Variants in SCAP observed in about 807,000 individuals in gnomAD.
SCAP encodes the protein sterol regulatory element-binding protein cleavage-activating protein.
Under a neutral mutation model 123.6 loss-of-function variants are expected in SCAP, and 65 were observed. The observed-to-expected ratio is 0.53, with a 90% CI of 0.43 to 0.65. The LOEUF is 0.65. Among genes scored for constraint, SCAP ranks in the 30% least tolerant of loss-of-function variants. The pLI, the probability that SCAP is intolerant of heterozygous loss-of-function variation, is 0.00. For missense variants in SCAP, 1,398 were observed against 1,712.5 expected, an observed-to-expected ratio of 0.82 and a Z score of 3.24; for synonymous variants, 740 against 726.3, an observed-to-expected ratio of 1.02 and a Z score of -0.30.
intron 1 of SCAP, among the ~76,000 whole-genome samples, chr3:47,471,006 A>G (rs2108031674): frequency 6.6e-6 from 1 of 152,356 alleles, no homozygotes; most frequent in South Asian, 2.1e-4. Flanking sequence ...AGATGAAACA[A>G]GAGTGTCCCC....
intron 1 of SCAP, among the ~76,000 whole-genome samples, chr3:47,459,358 T>C (rs993300480): frequency 4.6e-5 from 7 of 152,224 alleles, no homozygotes; most frequent in Non-Finnish European, 1.0e-4. Flanking sequence ...TTGACAGTTT[T>C]ATACAATCAA....
In SCAP at chr3:47,414,247, C is replaced by T. The variant is rs1351597904; in HGVS notation, c.3527G>A (p.Ser1176Asn). Residue 1176 changes from serine (S) to asparagine (N), a missense_variant, in exon 22 of 23, where the codon AGT (serine) becomes AAT (asparagine). Physicochemically the swap from Ser to Asn is conservative, Grantham distance 46 (BLOSUM62 1). Transcript: ENST00000265565. ...GATGCTGATGAGGTCATCCAGGCCA[C>T]TGCTGATGACACAGGAGGTGGTACA... ...LTCTTSCVIS[S>N]GLDDLISIWD... 1 of 1,613,580 alleles carries T rather than the reference C, an allele frequency of 6.2e-7. No homozygotes were observed. The highest frequency in any genetic ancestry group is 1.3e-5 in the African/African-American group (1 of 74,936).
intron 1 of SCAP, among the ~76,000 whole-genome samples, chr3:47,455,611 A>G (rs1223195794): frequency 1.3e-5 from 2 of 151,140 alleles, no homozygotes; most frequent in African/African-American, 4.8e-5. Context: ...AAAAAAAAAA[A>G]AAAAAGAAAC....
At chr3:47,415,949 AAGG>A (rs1456823417) in intron 18 of SCAP, among the ~76,000 whole-genome samples, 1 of 152,192 alleles carries the variant, frequency 6.6e-6, no homozygotes, top group Non-Finnish European at 1.5e-5. Flanking sequence ...ACAAGCAGCA[AAGG>A]AGAATTTCCA....
In SCAP at chr3:47,475,905, T is replaced by G. The variant is rs561178668; in HGVS notation, c.-205A>C. ...CGCTCTCGGCCCGCAGTCCGGTGCG[T>G]GGCGCCCTCCCTCTCTCTCCTGGCC... On this transcript the variant is annotated 5_prime_UTR_variant, in exon 1 of 23. Transcript: ENST00000265565. The G allele has an allele frequency of 1.5e-4, 23 of 153,816 alleles. No individual in the cohort carries two copies. Among genetic ancestry groups the G allele is most frequent in the African/African-American group, 5.3e-4 (22 of 41,404 alleles). 9.5% of individuals were successfully genotyped at this position (153,816 alleles called of 1,614,324 possible).
intron 18 of SCAP, among the ~76,000 whole-genome samples, 158 bp downstream of exon 18, chr3:47,416,964 G>A (rs1458685269): frequency 6.6e-6 from 1 of 152,188 alleles, no homozygotes; most frequent in Non-Finnish European, 1.5e-5. Flanking sequence ...CCATCCAAGT[G>A]GACTGCCCTC....
intron 2 of SCAP, among the ~76,000 whole-genome samples, chr3:47,440,549 G>A: frequency 6.6e-6 from 1 of 152,132 alleles, no homozygotes. Context: ...ATACTCATTT[G>A]GGAAAATAAG....
rs560148037 is a variant in SCAP at position 47,432,420 on chromosome 3, T to C, written c.252+2588A>G. 2.0e-5 allele frequency among the ~76,000 whole-genome samples: 3 copies of C among 152,178 alleles called. No individual in the cohort carries two copies. The East Asian group carries it at 5.8e-4, about 29-fold the overall frequency. The stretch of plus-strand genomic sequence containing the variant: ...CTTTCGATTGCCCCCCTATGTCTCT[T>C]TGACATACACTATATTTACTTTAAA... On this transcript the variant is annotated intron_variant, in intron 3 of 22. Coordinates refer to ENST00000265565, the MANE Select transcript of SCAP (RefSeq NM_012235.4).
chr3:47,420,726 G>A lies in SCAP; in HGVS notation c.1391C>T (p.Ser464Leu), dbSNP rs1159335370. The change falls in exon 12 of 23, where the codon TCA becomes TTA. Residue 464 changes from serine to leucine, a missense_variant. Coordinates refer to ENST00000265565, the MANE Select transcript of SCAP (RefSeq NM_012235.4). The surrounding 1 kb of genome is among the most constrained non-coding windows in gnomAD (Gnocchi z 5.0). ...CGTTGGCTGTCCCACTGGCTTGGCT[G>A]AGGGCAGGCAGGCCTCAGGGGGCAG... ...KRLPPEACLP[S>L]AKPVGQPTRY... 6.2e-7 allele frequency: 1 copy of A among 1,611,208 alleles called. No homozygotes were observed. Among genetic ancestry groups the A allele is most frequent in the Non-Finnish European group, 8.5e-7 (1 of 1,179,952 alleles).
At chr3:47,456,723 C>T (rs577652909) in intron 1 of SCAP, among the ~76,000 whole-genome samples, 1 of 151,910 alleles carries the variant, frequency 6.6e-6, no homozygotes, top group African/African-American at 2.4e-5. Context: ...CGAGATCATC[C>T]GAGATCGTGT....
intron 1 of SCAP, among the ~76,000 whole-genome samples, chr3:47,472,009 G>A (rs1006891531): frequency 4.6e-5 from 7 of 151,872 alleles, no homozygotes; most frequent in South Asian, 2.1e-4. Context: ...GTGTGGTGGT[G>A]CACAGCTGTA....
At chr3:47,442,263 C>T (rs1174612417) in intron 2 of SCAP, among the ~76,000 whole-genome samples, 3 of 152,174 alleles carry the variant, frequency 2.0e-5, no homozygotes, top group East Asian at 1.9e-4. Flanking sequence ...TCCTTTACGA[C>T]GTCATTGTCA....
At chr3:47,446,042 A>AT (rs1286182504) in intron 1 of SCAP, among the ~76,000 whole-genome samples, 5 of 149,768 alleles carry the variant, frequency 3.3e-5, no homozygotes, top group African/African-American at 1.2e-4. Flanking sequence ...CGCCCAGCTA[A>AT]TTTTTGCATT....
intron 1 of SCAP, among the ~76,000 whole-genome samples, chr3:47,443,949 C>G (rs1470105117): frequency 6.6e-6 from 1 of 152,184 alleles, no homozygotes; most frequent in African/African-American, 2.4e-5. Context: ...GTTTATTCAT[C>G]CCACAGAGGT....
Position 47,439,844 on chromosome 3 carries a change from C to A in SCAP, c.122+3028G>T, listed in dbSNP as rs974266932. 6.6e-6 allele frequency among the ~76,000 whole-genome samples: 1 copy of A among 152,214 alleles called. No homozygotes were observed. Among genetic ancestry groups the A allele is most frequent in the African/African-American group, 2.4e-5 (1 of 41,464 alleles). On this transcript the variant is annotated intron_variant, in intron 2 of 22. Transcript: ENST00000265565. The surrounding 1 kb of genome is among the most constrained non-coding windows in gnomAD (Gnocchi z 4.0). ...CACTGGGTTCATTTGAAGTAGTGTC[C>A]TTGGCTCTCAGTCACTGAAACCTGC...
chr3:47,435,252 G>A (rs1706523255), intron 2 of SCAP, 115 bp from the exon 3 acceptor site: 1 of 1,167,408 alleles, frequency 8.6e-7, no homozygotes, highest in East Asian at 2.8e-5. Flanking sequence ...CTGTACAAAT[G>A]TGCAAAATAT....
At chr3:47,414,693 T>A (rs571187777) in intron 20 of SCAP, 41 bp from the exon 21 acceptor site, 1 of 1,612,540 alleles carries the variant, frequency 6.2e-7, no homozygotes, top group African/African-American at 1.3e-5. Flanking sequence ...CTCTGGGATT[T>A]TCCAAGTTAT....
At chr3:47,454,454 C>T (rs994962444) in intron 1 of SCAP, among the ~76,000 whole-genome samples, 5 of 152,034 alleles carry the variant, frequency 3.3e-5, no homozygotes, top group African/African-American at 7.2e-5. Context: ...AGGCCAGGCA[C>T]GGTGGCTCAC....
In SCAP at chr3:47,415,013, T is replaced by C. The variant is rs781476668; in HGVS notation, c.3140-20A>G. ...GGGTCCCTGAGGACAAAAGGCCAAGTGAAGAATCTCTGAGAAAGCAATGGG... is the reference window on the plus strand; with the variant it reads ...GGGTCCCTGAGGACAAAAGGCCAAGCGAAGAATCTCTGAGAAAGCAATGGG... On this transcript the variant is annotated intron_variant, in intron 19 of 22. Coordinates refer to ENST00000265565, the MANE Select transcript of SCAP (RefSeq NM_012235.4). The C allele has an allele frequency of 6.3e-7, 1 of 1,580,120 alleles. No homozygotes were observed.
Sources: gnomAD v4.1 joint callset for allele counts (sites outside exome capture counted in the v4.1 genomes callset) on GRCh38, gnomAD v4.1.1 for gene constraint, Gnocchi (gnomAD v3.1) non-coding constraint, MANE v1.5 for transcripts, NCBI Gene and HGNC (gene_info 2026-07-23, HGNC 2026-07-21) for gene names.